TET3: variants seen among roughly 807,000 people sequenced by gnomAD.
TET3 encodes the protein methylcytosine dioxygenase TET3.
In TET3, 19 loss-of-function variants were observed where a neutral mutation model predicts 141.4. The observed-to-expected ratio is 0.13, with a 90% CI of 0.09 to 0.20. The LOEUF (loss-of-function observed/expected upper bound fraction) is 0.20. Ranked by LOEUF, TET3 falls within the 10% of genes least tolerant of loss-of-function variation. TET3 has a pLI of 1.00. For missense variants in TET3, 1,874 were observed against 2,356.9 expected, an observed-to-expected ratio of 0.80 and a Z score of 4.24; for synonymous variants, 1,043 against 980.9, an observed-to-expected ratio of 1.06 and a Z score of -1.18.
intron 4 of TET3, among the ~76,000 whole-genome samples, chr2:74,052,556 C>CAAAA (rs70965779): frequency 3.0e-4 from 28 of 92,372 alleles, no homozygotes; most frequent in African/African-American, 1.0e-3. Context: ...TTCCTATAGC[C>CAAAA]AAAAAAAAAA....
At chr2:74,063,893 C>CAAAAAAAAA (rs70965781) in intron 4 of TET3, among the ~76,000 whole-genome samples, 2 of 106,330 alleles carry the variant, frequency 1.9e-5, no homozygotes, top group African/African-American at 6.0e-5. Context: ...TCTCTGCAGA[C>CAAAAAAAAA]AAAAAAAAAA....
intron 4 of TET3, among the ~76,000 whole-genome samples, chr2:74,064,704 T>A (rs1688785814): frequency 6.6e-6 from 1 of 152,174 alleles, no homozygotes; most frequent in Non-Finnish European, 1.5e-5. Context: ...TGGCCCAGAT[T>A]TTTTTTTCAA....
At chr2:73,986,745 G>A in intron 2 of TET3, 39 bp downstream of exon 2, 2 of 1,230,732 alleles carry the variant, frequency 1.6e-6, no homozygotes, top group Non-Finnish European at 2.0e-6. Flanking sequence ...TTCCTTCCTC[G>A]AGGGCACGGT....
chr2:74,069,523 C>A (rs764534168), intron 4 of TET3, among the ~76,000 whole-genome samples: 3 of 151,378 alleles, frequency 2.0e-5, no homozygotes, highest in Non-Finnish European at 4.4e-5. Flanking sequence ...CCTGTGTGAC[C>A]ACCACCTGGA....
intron 3 of TET3, among the ~76,000 whole-genome samples, chr2:74,034,708 G>C (rs1020511920): frequency 6.6e-6 from 1 of 151,868 alleles, no homozygotes; most frequent in Non-Finnish European, 1.5e-5. Context: ...ATACTTCCAT[G>C]ATGTGATTTT....
At chr2:74,080,387 C>A in intron 5 of TET3, 111 bp from the exon 6 acceptor site, 2 of 911,944 alleles carry the variant, frequency 2.2e-6, no homozygotes, top group South Asian at 1.5e-5. Flanking sequence ...CTGTTGCCCC[C>A]GACGGTAACC....
the TET3 span, among the ~76,000 whole-genome samples, chr2:74,131,597 A>G: frequency 7.9e-5 from 12 of 152,138 alleles, no homozygotes; most frequent in African/African-American, 2.4e-4. Flanking sequence ...AAATGTGCCC[A>G]GGGGAGGGCT....
rs1687692147 is a variant in TET3 at position 74,047,407 on chromosome 2, C to T, written c.1490C>T (p.Ser497Phe). The T allele has an allele frequency of 1.9e-6, 3 of 1,613,268 alleles. No homozygotes were observed. The highest frequency in any genetic ancestry group is 2.7e-5 in the African/African-American group (2 of 75,036). ...AAGGTCAAGGTGGAGGCACCCTCTT[C>T]CTCCCCGGCCCCGGCCCCATCCCCT... is the stretch of plus-strand genomic sequence containing the variant. Reference protein sequence around the residue: ...KPKVKVEAPSSSPAPAPSPVL... With the variant: ...KPKVKVEAPSFSPAPAPSPVL... The change falls in exon 4 of 12, where the codon TCC (serine) becomes TTC (phenylalanine). Residue 497 changes from serine (S) to phenylalanine (F), a missense_variant. Around this residue, in one of 10 missense-constraint regions of TET3, gnomAD observed 484 missense variants for 462.2 expected, o/e 1.05. Coordinates refer to ENST00000409262, the MANE Select transcript of TET3 (RefSeq NM_001287491.2).
chr2:73,999,336 A>G (rs1333891236), intron 2 of TET3, among the ~76,000 whole-genome samples: 6 of 152,234 alleles, frequency 3.9e-5, no homozygotes. Context: ...CTTCGTCTGT[A>G]AAATGGGCAC....
At chr2:74,002,563 C>G (rs1684909660) in intron 2 of TET3, 1 of 303,916 alleles carries the variant, frequency 3.3e-6, no homozygotes, top group South Asian at 1.6e-4. Context: ...CGCGGCTCAG[C>G]AGCACCCTCG....
the TET3 span, among the ~76,000 whole-genome samples, chr2:74,119,435 T>C: frequency 6.6e-6 from 1 of 152,188 alleles, no homozygotes; most frequent in Non-Finnish European, 1.5e-5. Flanking sequence ...TTTTGATTTG[T>C]CTGATTGTTT....
intron 3 of TET3, among the ~76,000 whole-genome samples, chr2:74,012,256 G>A (rs1228880771): frequency 6.6e-6 from 1 of 152,192 alleles, no homozygotes; most frequent in Non-Finnish European, 1.5e-5. Flanking sequence ...GATGGCATGA[G>A]CCACCTCCTC....
the TET3 span, chr2:74,135,251 A>G: frequency 4.8e-6 from 2 of 415,086 alleles, no homozygotes; most frequent in African/African-American, 4.0e-5. Context: ...TAAGATGAAG[A>G]GGCCTGAGCA....
At chr2:73,999,245 A>G (rs1684733310) in intron 2 of TET3, among the ~76,000 whole-genome samples, 1 of 152,134 alleles carries the variant, frequency 6.6e-6, no homozygotes, top group Admixed American at 6.5e-5. Flanking sequence ...GCTGCAAGTG[A>G]GGGGGTGGCA....
chr2:74,112,542 TAAAA>T (rs1691728661), downstream of TET3, among the ~76,000 whole-genome samples: 1 of 152,028 alleles, frequency 6.6e-6, no homozygotes, highest in African/African-American at 2.4e-5. Context: ...TAAAGCCAAA[TAAAA>T]AGTTTTACTA....
chr2:74,055,988 A>G (rs1331714567), intron 4 of TET3, among the ~76,000 whole-genome samples: 1 of 152,104 alleles, frequency 6.6e-6, no homozygotes, highest in Non-Finnish European at 1.5e-5. Context: ...TTTATAAATT[A>G]CCCAGTTTCA....
In TET3 at chr2:74,046,742, T is replaced by C; in HGVS notation, c.825T>C (p.Asp275=). The part of the protein sequence containing the change: ...HGMKPPNCNC[D]GPECPDYLEW... ...TGAAACCACCCAACTGCAACTGCGA[T>C]GGCCCAGAATGCCCTGACTACCTCG... Residue 275 remains aspartate, a synonymous_variant, in exon 4 of 12, where the codon GAT becomes GAC. Transcript: ENST00000409262. This position sits in a 1 kb window ranked among gnomAD's most constrained non-coding sequence, Gnocchi z 4.3. 6.2e-7 allele frequency: 1 copy of C among 1,613,872 alleles called. No homozygotes were observed. The highest frequency in any genetic ancestry group is 8.5e-7 in the Non-Finnish European group (1 of 1,179,886).
intron 3 of TET3, among the ~76,000 whole-genome samples, chr2:74,034,195 T>A (rs77305288): frequency 0.014 from 2,063 of 148,748 alleles, 18 homozygotes; most frequent in Non-Finnish European, 0.021. Flanking sequence ...CCCCAGTATC[T>A]GTGAAACACA....
At chr2:74,040,966 G>C (rs139862844) in intron 3 of TET3, among the ~76,000 whole-genome samples, 2 of 152,146 alleles carry the variant, frequency 1.3e-5, no homozygotes, top group African/African-American at 4.8e-5. Context: ...GGGGAAAAGC[G>C]GAGGGTTTCT....
Sources: allele counts gnomAD v4.1 joint callset (sites outside exome capture counted in the v4.1 genomes callset), GRCh38; gene constraint gnomAD v4.1.1; regional missense constraint gnomAD v4.1.1; non-coding constraint Gnocchi (gnomAD v3.1); transcripts MANE v1.5; gene names NCBI Gene and HGNC (gene_info 2026-07-23, HGNC 2026-07-21).